The following GPC6 variants were observed in gnomAD, a reference collection of about 807,000 sequenced individuals.
GPC6 encodes the protein glypican 6.
GPC6 carries 14 observed loss-of-function variants against 55.2 expected under a neutral mutation model. The ratio of observed to expected loss-of-function variants is 0.25; its 90% CI spans 0.17 to 0.40. The LOEUF (loss-of-function observed/expected upper bound fraction) is 0.40, where lower values mean the gene tolerates loss of function less well. GPC6 is among the 10% of genes least tolerant of loss of function. The pLI is 1.00. For synonymous variants in GPC6, 278 were observed against 259.6 expected (o/e 1.07, Z -0.68); for missense variants, 641 against 708.5 (o/e 0.90, Z 1.08).
chr13:93,672,639 G>GATATATAT (rs71272214), intron 2 of GPC6, among the ~76,000 whole-genome samples: 8 of 140,138 alleles, frequency 5.7e-5, no homozygotes, highest in African/African-American at 2.1e-4. Flanking sequence ...CTCAGTGTCT[G>GATATATAT]ATATATATAT....
chr13:93,575,498 C>T (rs1056757751), intron 2 of GPC6, among the ~76,000 whole-genome samples: 2 of 152,060 alleles, frequency 1.3e-5, no homozygotes, highest in Non-Finnish European at 2.9e-5. Context: ...GGGCTGGGAC[C>T]CAAGAATTTA....
chr13:94,051,124 T>C (rs1883934044), intron 4 of GPC6, among the ~76,000 whole-genome samples: 3 of 152,164 alleles, frequency 2.0e-5, no homozygotes, highest in African/African-American at 7.2e-5. Context: ...TAGAGCTCTG[T>C]AATGGAATAT....
intron 7 of GPC6, 32 bp downstream of exon 7, chr13:94,382,582 G>A (rs1880213010): frequency 6.2e-7 from 1 of 1,612,870 alleles, no homozygotes; most frequent in Admixed American, 1.7e-5. Flanking sequence ...CATGGATGGG[G>A]GCACAGCACA....
At chr13:94,245,886 G>A (rs1891181061) in intron 4 of GPC6, among the ~76,000 whole-genome samples, 1 of 152,040 alleles carries the variant, frequency 6.6e-6, no homozygotes, top group Non-Finnish European at 1.5e-5. Flanking sequence ...ACACAGAAGA[G>A]GAATTGCTAC....
chr13:93,458,197 C>T (rs1192401752), intron 1 of GPC6, among the ~76,000 whole-genome samples: 1 of 152,142 alleles, frequency 6.6e-6, no homozygotes, highest in Admixed American at 6.5e-5. Flanking sequence ...TGTGATCACA[C>T]ATACTGCTCA....
At chr13:93,810,180 G>A (rs904113811) in intron 2 of GPC6, among the ~76,000 whole-genome samples, 8 of 152,064 alleles carry the variant, frequency 5.3e-5, no homozygotes, top group African/African-American at 1.9e-4. Context: ...GTCTAATTTT[G>A]TCTTAAGAAA....
chr13:94,372,246 C>G (rs1230149007), intron 6 of GPC6, among the ~76,000 whole-genome samples: 1 of 152,202 alleles, frequency 6.6e-6, no homozygotes, highest in African/African-American at 2.4e-5. Context: ...CAGTCTACAG[C>G]TCCCAGCGTG....
At chr13:93,322,953 C>G (rs1482645876) in intron 1 of GPC6, among the ~76,000 whole-genome samples, 1 of 152,116 alleles carries the variant, frequency 6.6e-6, no homozygotes, top group East Asian at 1.9e-4. Flanking sequence ...CCCCACACCC[C>G]CTTAGTCTTA....
At chr13:93,398,773 A>C (rs2139228725) in intron 1 of GPC6, among the ~76,000 whole-genome samples, 1 of 152,290 alleles carries the variant, frequency 6.6e-6, no homozygotes, top group East Asian at 1.9e-4. Flanking sequence ...AGACTTGACT[A>C]ATGTTTCTAA....
Position 93,536,715 on chromosome 13 carries a change from A to G in GPC6, c.161-8548A>G, listed in dbSNP as rs147543073. Among the ~76,000 whole-genome samples, 260 of 152,302 alleles carry G rather than the reference A, an allele frequency of 1.7e-3. 1 individual carries two copies. The highest frequency in any genetic ancestry group is 6.1e-3 in the African/African-American group (253 of 41,580). ...AACAACACCAATTTCACCTATGAACATTTATTTTTAACATCTCTTCTGCCC... is the reference window on the plus strand; with the variant it reads ...AACAACACCAATTTCACCTATGAACGTTTATTTTTAACATCTCTTCTGCCC... On this transcript the variant is annotated intron_variant, in intron 1 of 8. Transcript: ENST00000377047.
chr13:93,355,004 C>T (rs536325129), intron 1 of GPC6, among the ~76,000 whole-genome samples: 101 of 152,278 alleles, frequency 6.6e-4, no homozygotes, highest in African/African-American at 2.4e-3. Context: ...CTTTTGTTCA[C>T]AAAGCTTTGA....
At chr13:93,660,363 G>GC (rs1566473638) in intron 2 of GPC6, among the ~76,000 whole-genome samples, 2 of 152,180 alleles carry the variant, frequency 1.3e-5, no homozygotes, top group East Asian at 3.9e-4. Context: ...TTAGCTTCTC[G>GC]CAGAAGGTCA....
chr13:93,881,740 C>A (rs545542753), intron 3 of GPC6, among the ~76,000 whole-genome samples: 2 of 152,228 alleles, frequency 1.3e-5, no homozygotes, highest in African/African-American at 4.8e-5. Flanking sequence ...TTAAACTAAA[C>A]ATGAATTCAT....
intron 1 of GPC6, among the ~76,000 whole-genome samples, chr13:93,384,710 A>C (rs1246869066): frequency 6.6e-6 from 1 of 152,212 alleles, no homozygotes; most frequent in African/African-American, 2.4e-5. Flanking sequence ...TGAAGATTTG[A>C]GTGGTGAAAG....
chr13:93,837,647 G>A (rs989953127), intron 3 of GPC6, among the ~76,000 whole-genome samples: 2 of 152,072 alleles, frequency 1.3e-5, no homozygotes, highest in East Asian at 1.9e-4. Context: ...AGCAAATAAT[G>A]TCAATATATA....
chr13:94,211,883 G>A (rs1268993215), intron 4 of GPC6, among the ~76,000 whole-genome samples: 2 of 152,178 alleles, frequency 1.3e-5, no homozygotes, highest in East Asian at 1.9e-4. Flanking sequence ...TGAAACATTG[G>A]ATGTGTAAGA....
chr13:94,308,186 C>T (rs1159062750), intron 6 of GPC6, among the ~76,000 whole-genome samples: 2 of 152,154 alleles, frequency 1.3e-5, no homozygotes, highest in African/African-American at 4.8e-5. Flanking sequence ...TTTCCTTCAT[C>T]CCCGGGAGAA....
chr13:94,332,888 C>T (rs9561539), intron 6 of GPC6, among the ~76,000 whole-genome samples: 21,786 of 152,098 alleles, frequency 0.14, 1,817 homozygotes, highest in East Asian at 0.34. Flanking sequence ...TTCTCTTTGG[C>T]CACTGCCTGT....
chr13:94,059,904 A>G (rs1285689590), intron 4 of GPC6, among the ~76,000 whole-genome samples: 2 of 151,922 alleles, frequency 1.3e-5, no homozygotes, highest in Non-Finnish European at 2.9e-5. Flanking sequence ...TTGGGGATAC[A>G]TAAACATCCA....
Sources: gnomAD v4.1 joint callset for allele counts (sites outside exome capture counted in the v4.1 genomes callset) on GRCh38, gnomAD v4.1.1 for gene constraint, MANE v1.5 for transcripts, NCBI Gene and HGNC (gene_info 2026-07-23, HGNC 2026-07-21) for gene names.